BNC2: variants seen among roughly 807,000 people sequenced by gnomAD.
BNC2 encodes zinc finger protein basonuclin-2.
Under a neutral mutation model 76.3 loss-of-function variants are expected in BNC2, and 20 were observed. The observed-to-expected ratio is 0.26, with a 90% CI of 0.18 to 0.38. The LOEUF is 0.38. BNC2 is among the 10% of genes least tolerant of loss of function. The pLI, the probability that BNC2 is intolerant of heterozygous loss-of-function variation, is 1.00. For synonymous variants in BNC2, 582 were observed against 514.8 expected (o/e 1.13, Z -1.77); for missense variants, 1,382 against 1,399.8 (o/e 0.99, Z 0.20).
chr9:16,748,864 A>C (rs1431165573), intron 1 of BNC2, among the ~76,000 whole-genome samples: 1 of 136,606 alleles, frequency 7.3e-6, no homozygotes, highest in Admixed American at 7.3e-5. Flanking sequence ...AAAAAAAAAA[A>C]GCAATGGACC....
At chr9:16,869,786 T>C (rs1029279174) in intron 1 of BNC2, among the ~76,000 whole-genome samples, 6 of 152,206 alleles carry the variant, frequency 3.9e-5, no homozygotes, top group African/African-American at 1.4e-4. Flanking sequence ...TGCTGGAGTC[T>C]CGCTTGGCAA....
At chr9:16,469,553 T>A (rs2131351128) in intron 5 of BNC2, among the ~76,000 whole-genome samples, 1 of 152,328 alleles carries the variant, frequency 6.6e-6, no homozygotes, top group African/African-American at 2.4e-5. Context: ...TATGTCTTTA[T>A]CAGCAACATG....
rs1999032 is a variant in BNC2 at position 16,416,997 on chromosome 9, T to C, written c.*1992A>G. On this transcript the variant is annotated 3_prime_UTR_variant, in exon 7 of 7. Coordinates refer to ENST00000380672, the MANE Select transcript of BNC2 (RefSeq NM_017637.6). ...AATGGAAACGACATAAAAGTTAAAA[T>C]AAAGGGATATTTCTAACTTTTAGAC... 94,150 of 152,486 alleles carry C rather than the reference T, an allele frequency of 0.62. 31,838 individuals are homozygous for C. Among genetic ancestry groups the C allele is most frequent in the African/African-American group, 0.9 (37,561 of 41,544 alleles). The allele number at this position is 152,486 out of a possible 1,614,324, so 9.4% of individuals were successfully genotyped here. A position where few individuals can be genotyped will look rare whatever the true frequency, so the allele number is the denominator to read the frequency against.
intron 4 of BNC2, among the ~76,000 whole-genome samples, chr9:16,576,458 G>A (rs977399266): frequency 5.3e-5 from 8 of 152,188 alleles, no homozygotes; most frequent in African/African-American, 1.9e-4. Context: ...GACTACTTTA[G>A]TTATGCTAGG....
intron 1 of BNC2, among the ~76,000 whole-genome samples, chr9:16,843,938 T>A (rs1281670313): frequency 6.6e-6 from 1 of 152,198 alleles, no homozygotes; most frequent in Admixed American, 6.5e-5. Flanking sequence ...TCTGTTTTTA[T>A]CAAATTCTGG....
intron 1 of BNC2, among the ~76,000 whole-genome samples, chr9:16,787,611 C>T (rs572100274): frequency 4.6e-5 from 7 of 152,294 alleles, no homozygotes; most frequent in South Asian, 2.1e-4. Context: ...ATTCTATATC[C>T]GGTACCTTTT....
At chr9:16,551,399 C>T (rs982920757) in intron 5 of BNC2, among the ~76,000 whole-genome samples, 4 of 152,182 alleles carry the variant, frequency 2.6e-5, no homozygotes, top group Non-Finnish European at 5.9e-5. Flanking sequence ...CAGGTTAAAA[C>T]GAGAGGTAGA....
chr9:16,582,482 T>C (rs1563849599), intron 4 of BNC2, among the ~76,000 whole-genome samples: 1 of 152,282 alleles, frequency 6.6e-6, no homozygotes, highest in Non-Finnish European at 1.5e-5. Flanking sequence ...TATTTTCAGA[T>C]ACCAGCCAAA....
At chr9:16,627,172 T>A (rs1012837784) in intron 3 of BNC2, among the ~76,000 whole-genome samples, 1 of 152,160 alleles carries the variant, frequency 6.6e-6, no homozygotes, top group South Asian at 2.1e-4. Context: ...TAGTGAGGCA[T>A]GAACGGTGCA....
intron 1 of BNC2, among the ~76,000 whole-genome samples, chr9:16,849,225 TC>T (rs1184740741): frequency 1.3e-5 from 2 of 151,874 alleles, no homozygotes; most frequent in East Asian, 1.9e-4. Context: ...GAACTCTCAT[TC>T]CCCCCACCAA....
chr9:16,861,892 G>A (rs1355360926), intron 1 of BNC2, among the ~76,000 whole-genome samples: 1 of 152,098 alleles, frequency 6.6e-6, no homozygotes, highest in African/African-American at 2.4e-5. Flanking sequence ...AGAAGGCTGA[G>A]GCAGGAGAAT....
chr9:16,594,802 T>C (rs1246179795), intron 3 of BNC2, among the ~76,000 whole-genome samples: 1 of 152,094 alleles, frequency 6.6e-6, no homozygotes, highest in Non-Finnish European at 1.5e-5. Flanking sequence ...TCCAGGGCTC[T>C]TTCTACTCAG....
intron 5 of BNC2, among the ~76,000 whole-genome samples, chr9:16,491,463 A>G (rs10119720): frequency 0.013 from 1,952 of 152,356 alleles, 23 homozygotes; most frequent in African/African-American, 0.031. Flanking sequence ...ATAATTTTAA[A>G]AAACACACAT....
intron 5 of BNC2, among the ~76,000 whole-genome samples, chr9:16,504,005 A>T (rs984007353): frequency 2.0e-5 from 3 of 152,194 alleles, no homozygotes; most frequent in Admixed American, 6.5e-5. Context: ...AGAAATGAAT[A>T]TACTCTGATC....
intron 1 of BNC2, among the ~76,000 whole-genome samples, chr9:16,830,657 G>A (rs77376504): frequency 9.9e-4 from 150 of 152,174 alleles, no homozygotes; most frequent in Non-Finnish European, 1.6e-3. Context: ...TACAAATCTT[G>A]TTTCCATTTC....
At chr9:16,681,222 A>T (rs1398809518) in intron 3 of BNC2, among the ~76,000 whole-genome samples, 1 of 152,224 alleles carries the variant, frequency 6.6e-6, no homozygotes, top group Admixed American at 6.5e-5. Flanking sequence ...AAAATGAAAT[A>T]CTTCAATTAC....
At chr9:16,551,252 T>C (rs1244744544) in intron 5 of BNC2, among the ~76,000 whole-genome samples, 1 of 152,236 alleles carries the variant, frequency 6.6e-6, no homozygotes, top group African/African-American at 2.4e-5. Context: ...CGTCATTCTA[T>C]TCTGAGAGCA....
chr9:16,573,378 T>C (rs544596097), intron 4 of BNC2, among the ~76,000 whole-genome samples: 1 of 152,330 alleles, frequency 6.6e-6, no homozygotes, highest in African/African-American at 2.4e-5. Flanking sequence ...AGAACAACTC[T>C]TAATGACTAT....
chr9:16,806,950 C>T (rs935181006), intron 1 of BNC2, among the ~76,000 whole-genome samples: 1 of 152,160 alleles, frequency 6.6e-6, no homozygotes, highest in Non-Finnish European at 1.5e-5. Context: ...ACTCACTAGG[C>T]TTTATAGTAG....
Sources: allele counts gnomAD v4.1 joint callset (sites outside exome capture counted in the v4.1 genomes callset), GRCh38; gene constraint gnomAD v4.1.1; transcripts MANE v1.5; gene names NCBI Gene and HGNC (gene_info 2026-07-23, HGNC 2026-07-21).